The following HLA-DPB1 variants were observed in gnomAD, a reference collection of about 807,000 sequenced individuals.
HLA-DPB1 encodes the protein major histocompatibility complex, class II, DP beta 1, also known as HLA class II histocompatibility antigen, DP beta 1 chain.
In HLA-DPB1, 30 loss-of-function variants were observed where a neutral mutation model predicts 29.4. The observed-to-expected ratio is 1.02, with a 90% CI of 0.76 to 1.38. HLA-DPB1 has a LOEUF of 1.38. Among genes scored for constraint, HLA-DPB1 ranks in the 40% most tolerant of loss-of-function variants. The pLI, the probability that HLA-DPB1 is intolerant of heterozygous loss-of-function variation, is 0.00. For synonymous variants in HLA-DPB1, 114 were observed against 134.0 expected (o/e 0.85, Z 1.03); for missense variants, 261 against 327.5 (o/e 0.80, Z 1.57).
Position 33,076,079 on chromosome 6 carries a change from T to C in HLA-DPB1, c.38T>C (p.Val13Ala). The C allele has an allele frequency of 6.2e-7, 1 of 1,612,668 alleles. No individual in the cohort carries two copies. Residue 13 changes from valine (V) to alanine (A), a missense_variant, in exon 1 of 6, where the codon GTG becomes GCG. Val to Ala is a moderately conservative substitution (Grantham distance 64). Coordinates refer to ENST00000418931, the MANE Select transcript of HLA-DPB1 (RefSeq NM_002121.6). ...VLQVSAAPRT[V>A]ALTALLMVLL... ...CAGGTTTCTGCGGCCCCCCGGACAG[T>C]GGCTCTGACGGCGTTACTGATGGTG...
chr6:33,081,014 C>T, intron 2 of HLA-DPB1, 79 bp downstream of exon 2: 1 of 1,425,418 alleles, frequency 7.0e-7, no homozygotes, highest in African/African-American at 1.4e-5. Flanking sequence ...GCCGGGTTGG[C>T]CTAAGGGACC....
chr6:33,089,188 T>C lies in HLA-DPB1; in HGVS notation c.*2654T>C, dbSNP rs373781933. On this transcript the variant is annotated 3_prime_UTR_variant, in exon 6 of 6. Transcript: ENST00000418931. ...CTACCAGGCCAGTGAACACTTACCA[T>C]AGTTGATGCCTTTTGAGCATGTTGC... Among the ~76,000 whole-genome samples the C allele has an allele frequency of 5.4e-4, 82 of 152,296 alleles. 1 individual carries two copies. In the South Asian group the frequency reaches 7.4e-3, roughly 14 times the overall value.
At position 33,085,949 on chromosome 6, in the gene HLA-DPB1, C is replaced by T. The variant is rs200056761; in HGVS notation, c.757+60C>T. The T allele has an allele frequency of 6.1e-4, 675 of 1,107,024 alleles. 4 individuals are homozygous for T. Among genetic ancestry groups the T allele is most frequent in the Middle Eastern group, 2.9e-3 (14 of 4,890 alleles). 68.6% of individuals were successfully genotyped at this position (1,107,024 alleles called of 1,614,324 possible). On this transcript the variant is annotated intron_variant, in intron 4 of 5. Transcript: ENST00000418931. The stretch of plus-strand genomic sequence containing the variant: ...TCCCCTGGCATATTCACACTTATTC[C>T]ACGATGAGGGGTTTGACAGAAAAGA...
Position 33,080,995 on chromosome 6 carries a change from G to A in HLA-DPB1, c.364+60G>A. ...AGCCCCGCGGGCCCGTGCCCAGGGC[G>A]CAGGAGCAGCCGGGTTGGCCTAAGG... On this transcript the variant is annotated intron_variant, in intron 2 of 5. Coordinates refer to ENST00000418931, the MANE Select transcript of HLA-DPB1 (RefSeq NM_002121.6). The surrounding 1 kb of genome is among the most constrained non-coding windows in gnomAD (Gnocchi z 4.3). The A allele has an allele frequency of 6.7e-7, 1 of 1,487,808 alleles. No individual in the cohort carries two copies. The highest frequency in any genetic ancestry group is 1.3e-5 in the South Asian group (1 of 74,222). The allele number at this position is 1,487,808 out of a possible 1,614,324, so 92.2% of individuals were successfully genotyped here. A position where few individuals can be genotyped will look rare whatever the true frequency, so the allele number is the denominator to read the frequency against.
At chr6:33,085,443 C>T (rs527862621) in intron 3 of HLA-DPB1, among the ~76,000 whole-genome samples, 1 of 152,302 alleles carries the variant, frequency 6.6e-6, no homozygotes, top group East Asian at 1.9e-4. Flanking sequence ...CATAGTTCTC[C>T]CCCTTGTCAG....
At chr6:33,086,267 T>G (rs768530899) in intron 5 of HLA-DPB1, 25 bp downstream of exon 5, 1 of 1,551,784 alleles carries the variant, frequency 6.4e-7, no homozygotes, top group East Asian at 2.3e-5. Context: ...TTGATTTCCT[T>G]GTGGGGTGGG....
rs770371240 is a variant in HLA-DPB1, at chr6:33,085,174, G to A, written c.589G>A (p.Val197Ile). 2 of 1,613,204 alleles carry A rather than the reference G, an allele frequency of 1.2e-6. No individual in the cohort carries two copies. Among genetic ancestry groups the A allele is most frequent in the Non-Finnish European group, 8.5e-7 (1 of 1,179,496 alleles). The part of the protein sequence containing the change: ...MLEMTPQQGD[V>I]YTCQVEHTSL... ...GGAAATGACCCCCCAGCAGGGAGAT[G>A]TCTACACCTGCCAAGTGGAGCACAC... Residue 197 changes from valine (V) to isoleucine (I), a missense_variant, in exon 3 of 6, where the codon GTC (valine) becomes ATC (isoleucine). By Grantham distance (29) the Val-to-Ile change is conservative (BLOSUM62 3). Coordinates refer to ENST00000418931, the MANE Select transcript of HLA-DPB1 (RefSeq NM_002121.6).
In HLA-DPB1 at chr6:33,076,068, C is replaced by G. The variant is rs536111967; in HGVS notation, c.27C>G (p.Ala9=). Residue 9 remains alanine (A), a synonymous_variant, in exon 1 of 6, where the codon GCC becomes GCG. Coordinates refer to ENST00000418931, the MANE Select transcript of HLA-DPB1 (RefSeq NM_002121.6). MMVLQVSA[A]PRTVALTALL... ...TGATGGTTCTGCAGGTTTCTGCGGCCCCCCGGACAGTGGCTCTGACGGCGT... is the reference window on the plus strand; with the variant it reads ...TGATGGTTCTGCAGGTTTCTGCGGCGCCCCGGACAGTGGCTCTGACGGCGT... 6.2e-7 allele frequency: 1 copy of G among 1,612,428 alleles called. No individual in the cohort carries two copies. The highest frequency in any genetic ancestry group is 1.1e-5 in the South Asian group (1 of 90,822).
chr6:33,085,987 C>A, intron 4 of HLA-DPB1, 98 bp downstream of exon 4: 1 of 844,556 alleles, frequency 1.2e-6, no homozygotes, highest in Non-Finnish European at 1.9e-6. Flanking sequence ...TGTCAGAAAG[C>A]TCTAGAGGCC....
intron 1 of HLA-DPB1, among the ~76,000 whole-genome samples, chr6:33,079,296 T>C (rs1762713959): frequency 6.6e-6 from 1 of 152,278 alleles, no homozygotes; most frequent in Admixed American, 6.5e-5. Flanking sequence ...CTGATAATTC[T>C]GTGTAGACAC....
rs1239463042 is a variant in HLA-DPB1 at position 33,089,374 on chromosome 6, C to T, written c.*2840C>T. ...ATCAGCTGTGCTAAACTAACAAATA[C>T]CCAGATATCCAGGTTTGGCTCATGT... On this transcript the variant is annotated 3_prime_UTR_variant, in exon 6 of 6. Transcript: ENST00000418931. 6.6e-6 allele frequency among the ~76,000 whole-genome samples: 1 copy of T among 152,134 alleles called. No homozygotes were observed. Among genetic ancestry groups the T allele is most frequent in the Non-Finnish European group, 1.5e-5 (1 of 68,034 alleles).
At position 33,084,891 on chromosome 6, in the gene HLA-DPB1, A is replaced by AGGAAGGAG. The variant is rs1554186659; in HGVS notation, c.365-52_365-51insGGGAAGGA. ...AAGGAAGGAAGGAAGGAAGGAAGGA[A>AGGAAGGAG]GGAAGGAAAGAAGGACAATCTCAAA... is the stretch of plus-strand genomic sequence containing the variant. On this transcript the variant is annotated intron_variant, in intron 2 of 5. Transcript: ENST00000418931. 5.4e-5 allele frequency: 34 copies of AGGAAGGAG among 626,080 alleles called. 10 individuals carry two copies. In the African/African-American group the frequency reaches 1.7e-3, roughly 31 times the overall value. 38.8% of individuals were successfully genotyped at this position (626,080 alleles called of 1,614,324 possible).
chr6:33,081,208 G>A, intron 2 of HLA-DPB1: 1 of 499,976 alleles, frequency 2.0e-6, no homozygotes, highest in Non-Finnish European at 3.5e-6. Context: ...GTGAAAAAAG[G>A]AAGCCACAGG....
In HLA-DPB1 at chr6:33,088,320, T is replaced by A. The variant is rs3128967; in HGVS notation, c.*1786T>A. On this transcript the variant is annotated 3_prime_UTR_variant, in exon 6 of 6. Transcript: ENST00000418931. ...AGAGTCATTCTCTTTCCTGCTTGTC[T>A]CCTGTACTCATGTTACAGGTTAGGG... Among the ~76,000 whole-genome samples, 8,205 of 152,122 alleles carry A rather than the reference T, an allele frequency of 0.054. 331 individuals are homozygous for A. The highest frequency in any genetic ancestry group is 0.095 in the African/African-American group (3,930 of 41,500).
Position 33,085,033 on chromosome 6 carries a change from T to C in HLA-DPB1, c.448T>C (p.Tyr150His), listed in dbSNP as rs1385522911. The C allele has an allele frequency of 6.2e-7, 1 of 1,613,470 alleles. No individual in the cohort carries two copies. The highest frequency in any genetic ancestry group is 1.1e-5 in the South Asian group (1 of 91,078). ...GCTTGTCTGCCACGTGACGGATTTC[T>C]ACCCAGGCAGCATTCAAGTCCGATG... Reference protein sequence around the residue: ...NLLVCHVTDFYPGSIQVRWFL... With the variant: ...NLLVCHVTDFHPGSIQVRWFL... The change falls in exon 3 of 6, where the codon TAC becomes CAC. Residue 150 changes from tyrosine to histidine, a missense_variant. Tyr to His is a moderately conservative substitution (Grantham distance 83, BLOSUM62 2). Coordinates refer to ENST00000418931, the MANE Select transcript of HLA-DPB1 (RefSeq NM_002121.6).
At chr6:33,084,795 T>C (rs9277448) in intron 2 of HLA-DPB1, among the ~76,000 whole-genome samples, 155 bp from the exon 3 acceptor site, 2,614 of 60,958 alleles carry the variant, frequency 0.043, 715 homozygotes, top group East Asian at 0.28. Context: ...TGACACTCCA[T>C]CTCAACAAAA....
chr6:33,083,582 C>G, intron 2 of HLA-DPB1: 1 of 152,942 alleles, frequency 6.5e-6, no homozygotes, highest in African/African-American at 2.4e-5. Flanking sequence ...GATCCTCCTG[C>G]CTCAGCCTCC....
In HLA-DPB1 at chr6:33,089,213, C is replaced by T. The variant is rs9501262; in HGVS notation, c.*2679C>T. 0.054 allele frequency among the ~76,000 whole-genome samples: 8,286 copies of T among 152,222 alleles called. 339 individuals are homozygous for T. Among genetic ancestry groups the T allele is most frequent in the African/African-American group, 0.095 (3,963 of 41,514 alleles). ...TAGTTGATGCCTTTTGAGCATGTTG[C>T]ATTGTAAACTGTCCCTGAAATTACT... On this transcript the variant is annotated 3_prime_UTR_variant, in exon 6 of 6. Transcript: ENST00000418931.
At position 33,085,095 on chromosome 6, in the gene HLA-DPB1, G is replaced by A; in HGVS notation, c.510G>A (p.Val170=). The part of the protein sequence containing the change: ...LNGQEETAGV[V]STNLIRNGDW... ...GACAGGAGGAAACAGCTGGGGTCGT[G>A]TCCACCAACCTGATCCGTAATGGAG... is the stretch of plus-strand genomic sequence containing the variant. The change falls in exon 3 of 6, where the codon GTG becomes GTA. Residue 170 remains valine, a synonymous_variant. Coordinates refer to ENST00000418931, the MANE Select transcript of HLA-DPB1 (RefSeq NM_002121.6). 6.2e-7 allele frequency: 1 copy of A among 1,613,888 alleles called. No homozygotes were observed. The highest frequency in any genetic ancestry group is 1.1e-5 in the South Asian group (1 of 91,074).
Sources: gnomAD v4.1 joint callset for allele counts (sites outside exome capture counted in the v4.1 genomes callset) on GRCh38, gnomAD v4.1.1 for gene constraint, Gnocchi (gnomAD v3.1) non-coding constraint, MANE v1.5 for transcripts, NCBI Gene and HGNC (gene_info 2026-07-23, HGNC 2026-07-21) for gene names.